The following TBC1D5 variants were observed in gnomAD, a reference collection of about 807,000 sequenced individuals.
TBC1D5 encodes TBC1 domain family member 5.
Under a neutral mutation model 100.3 loss-of-function variants are expected in TBC1D5, and 75 were observed. The ratio of observed to expected loss-of-function variants is 0.75; its 90% CI spans 0.62 to 0.91. The LOEUF is 0.91. Ranked by LOEUF, TBC1D5 falls within the 40% of genes least tolerant of loss-of-function variation. The pLI is 0.00. For missense variants in TBC1D5, 910 were observed against 942.4 expected (o/e 0.97, Z 0.45); for synonymous variants, 323 against 325.6 (o/e 0.99, Z 0.09).
chr3:17,342,696 T>C (rs911336593), intron 13 of TBC1D5, among the ~76,000 whole-genome samples: 6 of 152,190 alleles, frequency 3.9e-5, no homozygotes, highest in Non-Finnish European at 1.5e-5. Flanking sequence ...CCTAATCTCA[T>C]TGCCCAGAAA....
intron 3 of TBC1D5, among the ~76,000 whole-genome samples, chr3:17,473,773 CAAAAT>C (rs2095407881): frequency 6.6e-6 from 1 of 152,014 alleles, no homozygotes. Flanking sequence ...TAAAAGTAAA[CAAAAT>C]AAAATTTTAG....
intron 14 of TBC1D5, among the ~76,000 whole-genome samples, chr3:17,304,842 T>C (rs1455728492): frequency 2.0e-5 from 3 of 152,014 alleles, no homozygotes; most frequent in Non-Finnish European, 2.9e-5. Context: ...AGCCATCCAA[T>C]CTTCCTTGCC....
At chr3:17,405,948 G>T (rs2093759124) in intron 5 of TBC1D5, among the ~76,000 whole-genome samples, 1 of 152,060 alleles carries the variant, frequency 6.6e-6, no homozygotes, top group African/African-American at 2.4e-5. Flanking sequence ...CTAAAGGAGA[G>T]TGATCCAATT....
At chr3:17,197,358 C>T (rs1344094167) in intron 18 of TBC1D5, among the ~76,000 whole-genome samples, 1 of 152,068 alleles carries the variant, frequency 6.6e-6, no homozygotes, top group African/African-American at 2.4e-5. Context: ...TCCCCACAAG[C>T]CCTGGGGTTT....
intron 17 of TBC1D5, among the ~76,000 whole-genome samples, chr3:17,224,618 C>T (rs530672273): frequency 7.9e-5 from 12 of 152,222 alleles, no homozygotes; most frequent in Non-Finnish European, 1.6e-4. Context: ...ATTTTTCATA[C>T]ATGAAGGTTA....
chr3:17,322,625 A>G (rs2085566494), intron 13 of TBC1D5, among the ~76,000 whole-genome samples: 1 of 152,240 alleles, frequency 6.6e-6, no homozygotes, highest in Non-Finnish European at 1.5e-5. Flanking sequence ...CGCAGACTCA[A>G]GGCCGAGGAA....
intron 2 of TBC1D5, among the ~76,000 whole-genome samples, chr3:17,591,233 C>CAA (rs60889092): frequency 0.023 from 420 of 18,638 alleles, 76 homozygotes; most frequent in South Asian, 0.043. Flanking sequence ...AAGGATCTGT[C>CAA]AAAAAAAAAA....
At chr3:17,587,522 CA>C (rs943801455) in intron 2 of TBC1D5, among the ~76,000 whole-genome samples, 135 of 152,018 alleles carry the variant, frequency 8.9e-4, no homozygotes, top group African/African-American at 3.2e-3. Context: ...AATCGAGTAA[CA>C]AAAGTCACTC....
chr3:17,473,145 C>G (rs1410658101), intron 3 of TBC1D5, among the ~76,000 whole-genome samples: 1 of 152,112 alleles, frequency 6.6e-6, no homozygotes. Flanking sequence ...GTGGCTAATA[C>G]CTGTAATCTC....
intron 17 of TBC1D5, among the ~76,000 whole-genome samples, chr3:17,218,034 G>C (rs2073859593): frequency 6.6e-6 from 1 of 151,988 alleles, no homozygotes; most frequent in Admixed American, 6.6e-5. Context: ...TTTGTATACA[G>C]CGTGAAGAAG....
Position 17,455,382 on chromosome 3 carries a change from CA to C in TBC1D5, c.98-26864del, listed in dbSNP as rs572333255. 1.7e-3 allele frequency among the ~76,000 whole-genome samples: 237 copies of C among 138,014 alleles called. 2 individuals are homozygous for C. The South Asian group carries it at 0.019, about 11-fold the overall frequency. The allele number at this position is 138,014 out of a possible 152,430, so 90.5% of individuals were successfully genotyped here. The stretch of plus-strand genomic sequence containing the variant: ...TATGTGTGTATATATATGTATAAGC[CA>C]AAAAAAGTATATACACACACGTGTG... On this transcript the variant is annotated intron_variant, in intron 3 of 21. Transcript: ENST00000253692.
intron 3 of TBC1D5, chr3:17,465,093 A>G (rs2095280229): frequency 1.3e-5 from 2 of 152,188 alleles, no homozygotes; most frequent in African/African-American, 4.8e-5. Context: ...ACCAGCTGAG[A>G]AATAAAACCT....
chr3:17,277,173 A>C (rs924108372), intron 15 of TBC1D5, among the ~76,000 whole-genome samples: 1 of 152,344 alleles, frequency 6.6e-6, no homozygotes. Flanking sequence ...TTTTATTCTC[A>C]AGAAGAAAAG....
intron 1 of TBC1D5, among the ~76,000 whole-genome samples, chr3:17,700,913 A>G (rs1045032394): frequency 6.6e-6 from 1 of 152,180 alleles, no homozygotes; most frequent in Non-Finnish European, 1.5e-5. Context: ...ATTGTGGAAG[A>G]CAGTGTGGTA....
chr3:17,226,706 T>C (rs1190202522), intron 17 of TBC1D5, among the ~76,000 whole-genome samples: 1 of 152,206 alleles, frequency 6.6e-6, no homozygotes, highest in African/African-American at 2.4e-5. Context: ...GCTCTCTCCC[T>C]GCCAGTGTTG....
intron 2 of TBC1D5, among the ~76,000 whole-genome samples, chr3:17,555,685 T>C (rs2096512326): frequency 6.6e-6 from 1 of 152,174 alleles, no homozygotes; most frequent in Non-Finnish European, 1.5e-5. Flanking sequence ...AAATATGGGG[T>C]AAAATGCTTT....
chr3:17,597,963 A>C (rs749525655), intron 2 of TBC1D5, among the ~76,000 whole-genome samples: 50 of 151,980 alleles, frequency 3.3e-4, no homozygotes, highest in Non-Finnish European at 6.3e-4. Flanking sequence ...ACCAAGTTCA[A>C]TTTAGCTTAA....
intron 15 of TBC1D5, among the ~76,000 whole-genome samples, chr3:17,270,500 G>T (rs1244915293): frequency 1.3e-5 from 2 of 152,106 alleles, no homozygotes; most frequent in Non-Finnish European, 2.9e-5. Context: ...TAAGTAGAAG[G>T]CTCATTTACT....
intron 1 of TBC1D5, among the ~76,000 whole-genome samples, chr3:17,628,972 T>G (rs1409839196): frequency 6.6e-6 from 1 of 152,234 alleles, no homozygotes; most frequent in African/African-American, 2.4e-5. Flanking sequence ...ACTGGCATTG[T>G]AAACTGAAAA....
Sources: gnomAD v4.1 joint callset for allele counts (sites outside exome capture counted in the v4.1 genomes callset) on GRCh38, gnomAD v4.1.1 for gene constraint, MANE v1.5 for transcripts, NCBI Gene and HGNC (gene_info 2026-07-23, HGNC 2026-07-21) for gene names.